The following KIRREL3 variants were observed in gnomAD, a reference collection of about 807,000 sequenced individuals.
KIRREL3 encodes the protein kirre like nephrin family adhesion molecule 3.
KIRREL3 carries 36 observed loss-of-function variants against 89.7 expected under a neutral mutation model. That is an observed-to-expected ratio of 0.40 (90% CI 0.31 to 0.53). The LOEUF is 0.53. KIRREL3 is among the 20% of genes least tolerant of loss of function. The pLI, the probability that KIRREL3 is intolerant of heterozygous loss-of-function variation, is 0.49. For synonymous variants in KIRREL3, 445 were observed against 441.4 expected, an observed-to-expected ratio of 1.01 and a Z score of -0.10; for missense variants, 864 against 1,056.6, an observed-to-expected ratio of 0.82 and a Z score of 2.53.
intron 1 of KIRREL3, among the ~76,000 whole-genome samples, chr11:126,826,838 C>T (rs553098795): frequency 1.3e-5 from 2 of 152,286 alleles, no homozygotes; most frequent in East Asian, 3.9e-4. Context: ...AGTGCTCTCC[C>T]CCAAAACAAA....
At position 126,546,745 on chromosome 11, in the gene KIRREL3, G is replaced by A. The variant is rs73015236; in HGVS notation, c.133+16090C>T. Reference sequence around the variant, plus strand: ...GGGACTGAATTGGGGCTATTAACCCGGATCTCTGATAATAAAGCCTTGCAT... The same window carrying A: ...GGGACTGAATTGGGGCTATTAACCCAGATCTCTGATAATAAAGCCTTGCAT... On this transcript the variant is annotated intron_variant, in intron 2 of 16. Transcript: ENST00000525144. Among the ~76,000 whole-genome samples, 1,360 of 152,178 alleles carry A rather than the reference G, an allele frequency of 8.9e-3. 10 individuals carry two copies. Among genetic ancestry groups the A allele is most frequent in the Middle Eastern group, 0.021 (6 of 292 alleles).
intron 1 of KIRREL3, among the ~76,000 whole-genome samples, chr11:126,866,165 G>C (rs1007376409): frequency 6.6e-6 from 1 of 152,238 alleles, no homozygotes. Context: ...TGATGGGGGA[G>C]GGAGGCCGAC....
At position 126,428,280 on chromosome 11, in the gene KIRREL3, C is replaced by A. The variant is rs1345264222; in HGVS notation, c.1806+899G>T. 1.3e-5 allele frequency among the ~76,000 whole-genome samples: 2 copies of A among 152,210 alleles called. No homozygotes were observed. Among genetic ancestry groups the A allele is most frequent in the African/African-American group, 4.8e-5 (2 of 41,464 alleles). On this transcript the variant is annotated intron_variant, in intron 15 of 16. Coordinates refer to ENST00000525144, the MANE Select transcript of KIRREL3 (RefSeq NM_032531.4). The surrounding 1 kb of genome is among the most constrained non-coding windows in gnomAD (Gnocchi z 6.4). Reference sequence around the variant, plus strand: ...CCTTGCTCTGCTGCCTCCACTCCAACATGTTACGACCGAGGCAACCAGAAA... The same window carrying A: ...CCTTGCTCTGCTGCCTCCACTCCAAAATGTTACGACCGAGGCAACCAGAAA...
intron 1 of KIRREL3, among the ~76,000 whole-genome samples, chr11:126,915,475 G>A (rs1335902538): frequency 1.3e-5 from 2 of 151,822 alleles, no homozygotes; most frequent in Admixed American, 6.6e-5. Flanking sequence ...TATCCTCATC[G>A]GGCCCAGATC....
chr11:126,433,330 G>A (rs1045936812), intron 13 of KIRREL3, among the ~76,000 whole-genome samples: 3 of 152,174 alleles, frequency 2.0e-5, no homozygotes, highest in Admixed American at 2.0e-4. Flanking sequence ...TTAAAGGGAG[G>A]AGAAAGACCT....
In KIRREL3 at chr11:126,551,260, G is replaced by A. The variant is rs1185331520; in HGVS notation, c.133+11575C>T. ...ATGGAAGCATTCCTTCCCCTAGGGT[G>A]TGAGGCGGGACTCTCTCAGGGAAGG... On this transcript the variant is annotated intron_variant, in intron 2 of 16. Coordinates refer to ENST00000525144, the MANE Select transcript of KIRREL3 (RefSeq NM_032531.4). This position sits in a 1 kb window ranked among gnomAD's most constrained non-coding sequence, Gnocchi z 4.9. 6.6e-6 allele frequency among the ~76,000 whole-genome samples: 1 copy of A among 152,128 alleles called. No individual in the cohort carries two copies. The highest frequency in any genetic ancestry group is 1.9e-4 in the East Asian group (1 of 5,176).
intron 15 of KIRREL3, among the ~76,000 whole-genome samples, chr11:126,425,992 T>C (rs75622494): frequency 1.3e-5 from 2 of 152,216 alleles, no homozygotes; most frequent in Non-Finnish European, 2.9e-5. Context: ...CTTTCCTCGC[T>C]TGGGCGAGGG....
chr11:126,909,794 T>TA lies in KIRREL3; in HGVS notation c.55+90660dup, dbSNP rs1946740175. Among the ~76,000 whole-genome samples the TA allele has an allele frequency of 6.6e-6, 1 of 152,276 alleles. No homozygotes were observed. Among genetic ancestry groups the TA allele is most frequent in the African/African-American group, 2.4e-5 (1 of 41,568 alleles). Reference sequence around the variant, plus strand: ...GCATGAGGCTGAAGCACCGCCATTATAAAAAACTTGGTTAAAATATGGATT... The same window carrying TA: ...GCATGAGGCTGAAGCACCGCCATTATAAAAAAACTTGGTTAAAATATGGATT... On this transcript the variant is annotated intron_variant, in intron 1 of 16. Transcript: ENST00000525144. The surrounding 1 kb of genome is among the most constrained non-coding windows in gnomAD (Gnocchi z 4.5).
At chr11:126,500,772 CA>C (rs1400284734) in intron 4 of KIRREL3, among the ~76,000 whole-genome samples, 2 of 150,022 alleles carry the variant, frequency 1.3e-5, no homozygotes, top group Non-Finnish European at 3.0e-5. Context: ...AAAAGAAAAA[CA>C]GTATATATTT....
intron 2 of KIRREL3, among the ~76,000 whole-genome samples, chr11:126,538,603 C>T (rs1433360282): frequency 6.7e-6 from 1 of 149,314 alleles, no homozygotes; most frequent in Non-Finnish European, 1.5e-5. Context: ...AGTTGGTGAC[C>T]TGCTCGGGGA....
In KIRREL3 at chr11:126,705,292, G is replaced by A. The variant is rs1591991109; in HGVS notation, c.56-142380C>T. 6.6e-6 allele frequency among the ~76,000 whole-genome samples: 1 copy of A among 152,298 alleles called. No individual in the cohort carries two copies. Among genetic ancestry groups the A allele is most frequent in the East Asian group, 1.9e-4 (1 of 5,176 alleles). ...TTGAAATGTGATCCCCAGTATTGAA[G>A]GTGGGGCCTGGTGGGAGGTGATTGG... On this transcript the variant is annotated intron_variant, in intron 1 of 16. Coordinates refer to ENST00000525144, the MANE Select transcript of KIRREL3 (RefSeq NM_032531.4). The surrounding 1 kb of genome is among the most constrained non-coding windows in gnomAD (Gnocchi z 4.3).
chr11:126,450,981 G>C (rs1019650205), intron 7 of KIRREL3, among the ~76,000 whole-genome samples: 6 of 151,692 alleles, frequency 4.0e-5, no homozygotes, highest in African/African-American at 1.5e-4. Flanking sequence ...ATGGGTGTGT[G>C]CATGTGTCAA....
At chr11:126,914,444 A>G (rs1201963719) in intron 1 of KIRREL3, among the ~76,000 whole-genome samples, 1 of 152,242 alleles carries the variant, frequency 6.6e-6, no homozygotes, top group Non-Finnish European at 1.5e-5. Flanking sequence ...AGAGTGCAGA[A>G]TCCTGGAATA....
In KIRREL3 at chr11:126,796,890, C is replaced by T. The variant is rs1950829501; in HGVS notation, c.55+203565G>A. On this transcript the variant is annotated intron_variant, in intron 1 of 16. Coordinates refer to ENST00000525144, the MANE Select transcript of KIRREL3 (RefSeq NM_032531.4). The surrounding 1 kb of genome is among the most constrained non-coding windows in gnomAD (Gnocchi z 5.1). Reference sequence around the variant, plus strand: ...GAGTACATGAAAATCTGATTGTTGGCAGAGCCCTCGGACTTAGAAAAAGAT... The same window carrying T: ...GAGTACATGAAAATCTGATTGTTGGTAGAGCCCTCGGACTTAGAAAAAGAT... Among the ~76,000 whole-genome samples, 1 of 152,066 alleles carries T rather than the reference C, an allele frequency of 6.6e-6. No individual in the cohort carries two copies. The highest frequency in any genetic ancestry group is 1.5e-5 in the Non-Finnish European group (1 of 68,024).
intron 1 of KIRREL3, among the ~76,000 whole-genome samples, chr11:126,932,776 T>C (rs1592397330): frequency 6.6e-6 from 1 of 152,218 alleles, no homozygotes; most frequent in Non-Finnish European, 1.5e-5. Flanking sequence ...ACCTACAAAA[T>C]TGTAATTGCT....
chr11:126,923,085 ATCTTCT>A lies in KIRREL3; in HGVS notation c.55+77364_55+77369del, dbSNP rs1310357745. ...TGTTTCTGCTCAGCTTGCCTTGTGG[ATCTTCT>A]TCTTCTTCTTCTCCTTCTCCTTCTC... On this transcript the variant is annotated intron_variant, in intron 1 of 16. Transcript: ENST00000525144. 6.1e-4 allele frequency among the ~76,000 whole-genome samples: 75 copies of A among 122,318 alleles called. 6 individuals are homozygous for A. The highest frequency in any genetic ancestry group is 1.6e-3 in the South Asian group (6 of 3,796). The allele number at this position is 122,318 out of a possible 152,430, so 80.2% of individuals were successfully genotyped here.
At chr11:126,707,955 C>A (rs1947602066) in intron 1 of KIRREL3, among the ~76,000 whole-genome samples, 1 of 152,102 alleles carries the variant, frequency 6.6e-6, no homozygotes, top group African/African-American at 2.4e-5. Context: ...CATTCTCCTG[C>A]CTGTTCGCTC....
chr11:126,848,345 T>C (rs1399690965), intron 1 of KIRREL3, among the ~76,000 whole-genome samples: 1 of 152,234 alleles, frequency 6.6e-6, no homozygotes, highest in Non-Finnish European at 1.5e-5. Context: ...TTGTCTTTAG[T>C]GAAAATGGAA....
At chr11:126,756,744 A>T (rs937498624) in intron 1 of KIRREL3, among the ~76,000 whole-genome samples, 2 of 152,036 alleles carry the variant, frequency 1.3e-5, no homozygotes, top group Non-Finnish European at 2.9e-5. Context: ...TTCCACCTCC[A>T]CTCCCAATGT....
Sources: gnomAD v4.1 joint callset for allele counts (sites outside exome capture counted in the v4.1 genomes callset) on GRCh38, gnomAD v4.1.1 for gene constraint, Gnocchi (gnomAD v3.1) non-coding constraint, MANE v1.5 for transcripts, NCBI Gene and HGNC (gene_info 2026-07-23, HGNC 2026-07-21) for gene names.